TMEM245: variants seen among roughly 807,000 people sequenced by gnomAD.
The protein encoded by TMEM245 is protein CG-2.
Under a neutral mutation model 101.2 loss-of-function variants are expected in TMEM245, and 69 were observed. The ratio of observed to expected loss-of-function variants is 0.68; its 90% CI spans 0.56 to 0.83. The LOEUF (loss-of-function observed/expected upper bound fraction) is 0.83. Among genes scored for constraint, TMEM245 ranks in the 40% least tolerant of loss-of-function variants. The pLI, the probability that TMEM245 is intolerant of heterozygous loss-of-function variation, is 0.00. For synonymous variants in TMEM245, 537 were observed against 449.8 expected, an observed-to-expected ratio of 1.19 and a Z score of -2.45; for missense variants, 1,075 against 1,092.8, an observed-to-expected ratio of 0.98 and a Z score of 0.23.
At chr9:109,115,475 T>C (rs1481663016) in intron 1 of TMEM245, among the ~76,000 whole-genome samples, 2 of 150,360 alleles carry the variant, frequency 1.3e-5, no homozygotes, top group Non-Finnish European at 2.9e-5. Context: ...GGTTTCTAGA[T>C]GACTAGAATG....
At chr9:109,070,944 C>T (rs904885254) in intron 9 of TMEM245, among the ~76,000 whole-genome samples, 9 of 152,116 alleles carry the variant, frequency 5.9e-5, no homozygotes, top group Admixed American at 2.6e-4. Context: ...TGCAGTGGTG[C>T]AATCTTGGCT....
At chr9:109,036,428 C>A in intron 15 of TMEM245, 48 bp from the exon 16 acceptor site, 1 of 1,500,600 alleles carries the variant, frequency 6.7e-7, no homozygotes, top group Non-Finnish European at 8.9e-7. Context: ...CAGCAAAACA[C>A]TAACAAAGCA....
intron 7 of TMEM245, among the ~76,000 whole-genome samples, chr9:109,083,044 A>C (rs1198692799): frequency 6.6e-6 from 1 of 152,138 alleles, no homozygotes; most frequent in African/African-American, 2.4e-5. Context: ...AAGAGAGAGG[A>C]AAGAGTGGGA....
rs1830066316 is a variant in TMEM245 at position 109,093,660 on chromosome 9, T to C, written c.800-69A>G. The C allele has an allele frequency of 7.3e-6, 9 of 1,237,824 alleles. No homozygotes were observed. In the Middle Eastern group the frequency reaches 1.3e-3, roughly 182 times the overall value. The allele number at this position is 1,237,824 out of a possible 1,614,324, so 76.7% of individuals were successfully genotyped here. On this transcript the variant is annotated intron_variant, in intron 3 of 17. Coordinates refer to ENST00000374586, the MANE Select transcript of TMEM245 (RefSeq NM_032012.4). ...ATAATGGCTGCAAATTTAAACACAGTCCAACATTTTCAACAACAACAAAAT... is the reference window on the plus strand; with the variant it reads ...ATAATGGCTGCAAATTTAAACACAGCCCAACATTTTCAACAACAACAAAAT...
Position 109,119,437 on chromosome 9 carries a change from C to A in TMEM245, c.477G>T (p.Leu159=), listed in dbSNP as rs753224089. 12 of 1,510,330 alleles carry A rather than the reference C, an allele frequency of 7.9e-6. No homozygotes were observed. The South Asian group carries it at 1.4e-4, about 17-fold the overall frequency. The allele number at this position is 1,510,330 out of a possible 1,614,324, so 93.6% of individuals were successfully genotyped here. ...AGCTGCCGAGGCAGTAGAGGCCGTA[C>A]AGGAGCGGGCCGCCGGCGCCGAGCA... The part of the protein sequence containing the change: ...LLLLGAGGPL[L]YGLYCLGSYL... The change falls in exon 1 of 18, where the codon CTG becomes CTT. Residue 159 remains leucine, a synonymous_variant. Coordinates refer to ENST00000374586, the MANE Select transcript of TMEM245 (RefSeq NM_032012.4).
In TMEM245 at chr9:109,051,295, A is replaced by AACACACACACAC. The variant is rs67093439; in HGVS notation, c.1855-615_1855-604dup. On this transcript the variant is annotated intron_variant, in intron 12 of 17. Coordinates refer to ENST00000374586, the MANE Select transcript of TMEM245 (RefSeq NM_032012.4). ...CAGCAAGAGCAAAACTCTGTCTCAAAACACACACACACACACACACACACA... is the reference window on the plus strand; with the variant it reads ...CAGCAAGAGCAAAACTCTGTCTCAAAACACACACACACACACACACACACACACACACACACA... Among the ~76,000 whole-genome samples, 563 of 135,208 alleles carry AACACACACACAC rather than the reference A, an allele frequency of 4.2e-3. 5 individuals carry two copies. Among genetic ancestry groups the AACACACACACAC allele is most frequent in the African/African-American group, 9.5e-3 (329 of 34,814 alleles). The allele number at this position is 135,208 out of a possible 152,430, so 88.7% of individuals were successfully genotyped here.
chr9:109,096,811 A>G (rs1418430260), intron 3 of TMEM245, among the ~76,000 whole-genome samples: 1 of 152,244 alleles, frequency 6.6e-6, no homozygotes, highest in Admixed American at 6.5e-5. Flanking sequence ...TCATCTTGAG[A>G]CACTGTAAGA....
chr9:109,113,014 T>G (rs1346065736), intron 1 of TMEM245, among the ~76,000 whole-genome samples: 1 of 152,158 alleles, frequency 6.6e-6, no homozygotes, highest in African/African-American at 2.4e-5. Flanking sequence ...AGGCAGAGGT[T>G]GCAGTGAGCC....
At chr9:109,034,091 G>GT (rs1828048789) in intron 16 of TMEM245, among the ~76,000 whole-genome samples, 1 of 152,182 alleles carries the variant, frequency 6.6e-6, no homozygotes, top group Non-Finnish European at 1.5e-5. Context: ...GCTTATTACA[G>GT]TATCACTTAT....
At chr9:109,092,393 GT>G (rs1830032024) in intron 4 of TMEM245, among the ~76,000 whole-genome samples, 1 of 152,156 alleles carries the variant, frequency 6.6e-6, no homozygotes, top group Non-Finnish European at 1.5e-5. Flanking sequence ...TTGCACCCTG[GT>G]AAGTCAGCTC....
intron 14 of TMEM245, among the ~76,000 whole-genome samples, chr9:109,048,872 C>T (rs140080505): frequency 1.1e-4 from 16 of 152,208 alleles, no homozygotes; most frequent in Admixed American, 1.0e-3. Context: ...CTGGCCAGAA[C>T]CTCCAGTGCA....
At chr9:109,036,492 TACTC>T in intron 15 of TMEM245, 112 bp from the exon 16 acceptor site, 1 of 1,053,604 alleles carries the variant, frequency 9.5e-7, no homozygotes, top group Non-Finnish European at 1.3e-6. Context: ...ACAAGTTAAA[TACTC>T]ACAAACTCAA....
intron 12 of TMEM245, among the ~76,000 whole-genome samples, chr9:109,053,154 G>A (rs117167979): frequency 1.6e-4 from 24 of 152,222 alleles, no homozygotes; most frequent in South Asian, 4.2e-4. Flanking sequence ...GGCTGGGTGC[G>A]GTGGCTCACA....
chr9:109,108,467 A>G lies in TMEM245; in HGVS notation c.683T>C (p.Leu228Ser), dbSNP rs1830486518. ...RAVSIPVWII[L>S]LFHLASLAGS... is the part of the protein sequence containing the mutation. ...AAGGAACCCACCTAAATGAAAAAGC[A>G]ATATAATCCAGACAGGAATTGAAAC... The change falls in exon 2 of 18, where the codon TTG becomes TCG. Residue 228 changes from leucine to serine, a missense_variant. Around this residue, in one of 2 missense-constraint regions of TMEM245, gnomAD observed 808 missense variants for 741.5 expected, o/e 1.09. Transcript: ENST00000374586. 1 of 1,576,810 alleles carries G rather than the reference A, an allele frequency of 6.3e-7. No homozygotes were observed. The highest frequency in any genetic ancestry group is 8.6e-7 in the Non-Finnish European group (1 of 1,166,444).
chr9:109,021,123 C>A (rs1827608749), intron 17 of TMEM245, among the ~76,000 whole-genome samples: 1 of 152,154 alleles, frequency 6.6e-6, no homozygotes, highest in South Asian at 2.1e-4. Context: ...GGCTGAGCAC[C>A]GTGCCTGACT....
Position 109,087,333 on chromosome 9 carries a change from A to G in TMEM245, c.1160T>C (p.Leu387Pro). Residue 387 changes from leucine (L) to proline (P), a missense_variant, in exon 6 of 18, where the codon CTC becomes CCC. By Grantham distance (98) the Leu-to-Pro change is moderately conservative (BLOSUM62 -3). Transcript: ENST00000374586. ...TCCAAAGTGAATGACAAGCTTTTTGAGTATCCAGACTAAAAAAAGACAAAA... is the reference window on the plus strand; with the variant it reads ...TCCAAAGTGAATGACAAGCTTTTTGGGTATCCAGACTAAAAAAAGACAAAA... ...LLPVPIAVWILKKLVIHFGVV... is the reference protein window; with the variant it reads ...LLPVPIAVWIPKKLVIHFGVV... The G allele has an allele frequency of 6.3e-7, 1 of 1,599,226 alleles. No individual in the cohort carries two copies. Among genetic ancestry groups the G allele is most frequent in the Non-Finnish European group, 8.5e-7 (1 of 1,175,328 alleles).
At chr9:109,078,755 T>G (rs1261650326) in intron 8 of TMEM245, among the ~76,000 whole-genome samples, 1 of 152,230 alleles carries the variant, frequency 6.6e-6, no homozygotes, top group African/African-American at 2.4e-5. Context: ...TACTGAAGGT[T>G]TGTTGAACCT....
intron 3 of TMEM245, among the ~76,000 whole-genome samples, chr9:109,094,496 A>G (rs552068147): frequency 3.6e-4 from 55 of 152,304 alleles, no homozygotes; most frequent in Non-Finnish European, 7.1e-4. Flanking sequence ...AGGAAGGCAT[A>G]TGGTTTTTCC....
Position 109,119,509 on chromosome 9 carries a change from G to A in TMEM245, c.405C>T (p.Val135=), listed in dbSNP as rs1460310730. Residue 135 remains valine, a synonymous_variant, in exon 1 of 18, where the codon GTC becomes GTT. Coordinates refer to ENST00000374586, the MANE Select transcript of TMEM245 (RefSeq NM_032012.4). The part of the protein sequence containing the change: ...LLPLCFVDYG[V]EALGEQALRR... ...GCAGCGCCTGCTCGCCCAGGGCCTC[G>A]ACGCCGTAGTCGACGAAGCAGAGCG... The A allele has an allele frequency of 1.3e-6, 2 of 1,516,820 alleles. No homozygotes were observed. Among genetic ancestry groups the A allele is most frequent in the Non-Finnish European group, 1.8e-6 (2 of 1,138,540 alleles). 94.0% of individuals were successfully genotyped at this position (1,516,820 alleles called of 1,614,324 possible). A position where few individuals can be genotyped will look rare whatever the true frequency, so the allele number is the denominator to read the frequency against.
Sources: gnomAD v4.1 joint callset for allele counts (sites outside exome capture counted in the v4.1 genomes callset) on GRCh38, gnomAD v4.1.1 for gene constraint, gnomAD v4.1.1 regional missense constraint, MANE v1.5 for transcripts, NCBI Gene and HGNC (gene_info 2026-07-23, HGNC 2026-07-21) for gene names.